RGL1: variants seen among roughly 807,000 people sequenced by gnomAD.
The protein encoded by RGL1 is ral guanine nucleotide dissociation stimulator-like 1.
A neutral mutation model predicts 95.2 loss-of-function variants in RGL1; 24 were observed. That is an observed-to-expected ratio of 0.25 (90% confidence interval 0.18 to 0.35). RGL1 has a LOEUF of 0.35. Ranked by LOEUF, RGL1 falls within the 10% of genes least tolerant of loss-of-function variation. RGL1 has a pLI of 1.00. For synonymous variants in RGL1, 329 were observed against 344.9 expected (o/e 0.95, Z 0.51); for missense variants, 715 against 936.3 (o/e 0.76, Z 3.08).
intron 1 of RGL1, among the ~76,000 whole-genome samples, chr1:183,685,639 G>GTAT (rs1653531992): frequency 1.3e-5 from 2 of 152,128 alleles, no homozygotes; most frequent in Non-Finnish European, 2.9e-5. Context: ...ATAAAACCTA[G>GTAT]TATTATAGGT....
At position 183,671,240 on chromosome 1, in the gene RGL1, G is replaced by A. The variant is rs141674840; in HGVS notation, c.-33+34739G>A. On this transcript the variant is annotated intron_variant, in intron 1 of 18. Transcript: ENST00000304685. ...AATTATGGGGATTACAATTCAAGAT[G>A]AGATTTGGGTGGAGACACAAAGCCT... 2.9e-4 allele frequency among the ~76,000 whole-genome samples: 44 copies of A among 152,140 alleles called. No homozygotes were observed. The East Asian group carries it at 8.1e-3, about 28-fold the overall frequency.
chr1:183,913,671 G>T (rs1668795832), intron 15 of RGL1, among the ~76,000 whole-genome samples: 1 of 152,152 alleles, frequency 6.6e-6, no homozygotes, highest in African/African-American at 2.4e-5. Flanking sequence ...GTAGAATGTT[G>T]GCAATGGTTT....
At chr1:183,909,606 G>A (rs1459949954) in intron 14 of RGL1, among the ~76,000 whole-genome samples, 1 of 152,142 alleles carries the variant, frequency 6.6e-6, no homozygotes, top group Non-Finnish European at 1.5e-5. Flanking sequence ...GGAAGACAGG[G>A]AAAATGGGGC....
intron 13 of RGL1, among the ~76,000 whole-genome samples, chr1:183,906,467 T>C (rs1558286385): frequency 6.6e-6 from 1 of 151,760 alleles, no homozygotes. Flanking sequence ...CCATCTCTAC[T>C]AAAATAAATA....
intron 1 of RGL1, among the ~76,000 whole-genome samples, chr1:183,655,563 T>C (rs926344609): frequency 6.6e-6 from 1 of 152,138 alleles, no homozygotes; most frequent in Non-Finnish European, 1.5e-5. Context: ...AGGAGTTAGA[T>C]GGGAAAGATG....
At chr1:183,898,821 G>A (rs1020005878) in intron 10 of RGL1, among the ~76,000 whole-genome samples, 3 of 152,158 alleles carry the variant, frequency 2.0e-5, no homozygotes, top group African/African-American at 4.8e-5. Context: ...ACCCTCCTTG[G>A]TATGAACCTC....
At chr1:183,780,352 T>C (rs1301882499) in intron 2 of RGL1, among the ~76,000 whole-genome samples, 1 of 152,208 alleles carries the variant, frequency 6.6e-6, no homozygotes, top group South Asian at 2.1e-4. Context: ...CAAAGTTAAT[T>C]GGCCCTCAGG....
At chr1:183,907,980 G>A (rs577186327) in intron 14 of RGL1, among the ~76,000 whole-genome samples, 1 of 152,132 alleles carries the variant, frequency 6.6e-6, no homozygotes, top group Admixed American at 6.5e-5. Context: ...CTGGATGACA[G>A]GGCGAGACCC....
At position 183,895,000 on chromosome 1, in the gene RGL1, A is replaced by G. The variant is rs114561875; in HGVS notation, c.1141-2808A>G. Among the ~76,000 whole-genome samples the G allele has an allele frequency of 8.3e-3, 1,264 of 152,354 alleles. 11 individuals are homozygous for G. The highest frequency in any genetic ancestry group is 0.015 in the Non-Finnish European group (993 of 68,020). On this transcript the variant is annotated intron_variant, in intron 9 of 17. Coordinates refer to ENST00000360851, the MANE Select transcript of RGL1 (RefSeq NM_001297671.3). ...TCTGGAAATTTCAAGACATCAGGGA[A>G]GAAAGCAGAATGCCAGCAAATCTTG...
chr1:183,837,657 C>T (rs958034274), intron 2 of RGL1, among the ~76,000 whole-genome samples: 5 of 152,112 alleles, frequency 3.3e-5, no homozygotes, highest in Non-Finnish European at 4.4e-5. Flanking sequence ...GCCCTAGGTC[C>T]GACAGTAAAT....
chr1:183,905,809 G>C (rs993290657), intron 13 of RGL1, among the ~76,000 whole-genome samples: 1 of 152,130 alleles, frequency 6.6e-6, no homozygotes, highest in African/African-American at 2.4e-5. Context: ...AATGATTGGG[G>C]TGGGGGGGAA....
chr1:183,789,892 T>G (rs1040664759), intron 2 of RGL1, among the ~76,000 whole-genome samples: 2 of 147,188 alleles, frequency 1.4e-5, no homozygotes, highest in Non-Finnish European at 3.0e-5. Flanking sequence ...CGCAATTACA[T>G]TTGCACCAAC....
chr1:183,790,655 A>C (rs1660401040), intron 2 of RGL1, among the ~76,000 whole-genome samples: 1 of 152,188 alleles, frequency 6.6e-6, no homozygotes, highest in Non-Finnish European at 1.5e-5. Flanking sequence ...CATTCTAACA[A>C]GTTATAAAAG....
intron 2 of RGL1, among the ~76,000 whole-genome samples, chr1:183,828,092 T>C (rs932382091): frequency 6.6e-6 from 1 of 152,164 alleles, no homozygotes; most frequent in African/African-American, 2.4e-5. Context: ...TGTTGCAACT[T>C]TTTTTTAATA....
intron 3 of RGL1, among the ~76,000 whole-genome samples, chr1:183,860,362 A>C (rs6665653): frequency 0.36 from 54,342 of 152,056 alleles, 10,856 homozygotes; most frequent in Non-Finnish European, 0.45. Flanking sequence ...AAGTAGCAGT[A>C]AGCAAAATAG....
chr1:183,912,049 A>C, intron 14 of RGL1, 33 bp from the exon 15 acceptor site: 1 of 1,590,350 alleles, frequency 6.3e-7, no homozygotes, highest in African/African-American at 1.3e-5. Flanking sequence ...GATTTGTAAC[A>C]GCCCAAATGC....
At chr1:183,902,195 C>T (rs12021632) in intron 11 of RGL1, among the ~76,000 whole-genome samples, 27,428 of 152,138 alleles carry the variant, frequency 0.18, 2,728 homozygotes, top group Non-Finnish European at 0.22. Context: ...TTTTGATAAA[C>T]CGTATGAGTC....
intron 1 of RGL1, among the ~76,000 whole-genome samples, chr1:183,707,613 G>A (rs1303233279): frequency 6.6e-6 from 1 of 151,896 alleles, no homozygotes; most frequent in East Asian, 1.9e-4. Flanking sequence ...GAAGATAGGG[G>A]CGTAAGGTGG....
intron 1 of RGL1, among the ~76,000 whole-genome samples, chr1:183,727,310 A>G (rs1238349541): frequency 1.3e-5 from 2 of 152,182 alleles, no homozygotes; most frequent in East Asian, 1.9e-4. Context: ...AACATCCATT[A>G]CATATTATCA....
Sources: allele counts gnomAD v4.1 joint callset (sites outside exome capture counted in the v4.1 genomes callset), GRCh38; gene constraint gnomAD v4.1.1; transcripts MANE v1.5; gene names NCBI Gene and HGNC (gene_info 2026-07-23, HGNC 2026-07-21).